The following CDH9 variants were observed in gnomAD, a reference collection of about 807,000 sequenced individuals.
CDH9 encodes cadherin-9.
CDH9 carries 28 observed loss-of-function variants against 70.9 expected under a neutral mutation model. That is an observed-to-expected ratio of 0.40 (90% CI 0.29 to 0.54). The LOEUF is 0.54. CDH9 is among the 20% of genes least tolerant of loss of function. The pLI is 0.59. For synonymous variants in CDH9, 409 were observed against 343.1 expected (o/e 1.19, Z -2.12); for missense variants, 874 against 984.4 (o/e 0.89, Z 1.50).
At chr5:26,910,181 C>A (rs1431457201) in intron 3 of CDH9, among the ~76,000 whole-genome samples, 1 of 151,864 alleles carries the variant, frequency 6.6e-6, no homozygotes, top group Non-Finnish European at 1.5e-5. Context: ...TTTAAAATCG[C>A]AAATGTAAAT....
intron 2 of CDH9, among the ~76,000 whole-genome samples, chr5:26,978,905 A>G (rs1742348845): frequency 6.6e-6 from 1 of 151,854 alleles, no homozygotes; most frequent in Admixed American, 6.6e-5. Flanking sequence ...TCCAGTTAAA[A>G]TATTTTTCAA....
chr5:27,002,347 T>C (rs943570570), intron 1 of CDH9, among the ~76,000 whole-genome samples: 1 of 152,162 alleles, frequency 6.6e-6, no homozygotes, highest in Non-Finnish European at 1.5e-5. Flanking sequence ...TCAACCATTG[T>C]GGAAGACAGT....
At chr5:26,962,892 C>A (rs565910010) in intron 2 of CDH9, among the ~76,000 whole-genome samples, 1 of 152,188 alleles carries the variant, frequency 6.6e-6, no homozygotes, top group African/African-American at 2.4e-5. Context: ...AGATGTCATT[C>A]TCTAATTAGT....
chr5:27,003,172 T>C (rs1742801350), intron 1 of CDH9, among the ~76,000 whole-genome samples: 1 of 152,114 alleles, frequency 6.6e-6, no homozygotes, highest in Admixed American at 6.6e-5. Flanking sequence ...AGCATCAGGT[T>C]GGCACTCAAA....
rs1297442818 is a variant in CDH9, at chr5:26,903,783, T to A, written c.853A>T (p.Thr285Ser). 6.2e-7 allele frequency: 1 copy of A among 1,604,350 alleles called. No homozygotes were observed. ...FNSPESVPLG[T>S]HLGRIKANDP... ...TTGGCTTTTATCCTTCCAAGATGAG[T>A]TCCAAGAGGTACAGACTCAGGAGAA... Residue 285 changes from threonine to serine, a missense_variant, in exon 6 of 12, where the codon ACT becomes TCT. By Grantham distance (58) the Thr-to-Ser change is moderately conservative. Coordinates refer to ENST00000231021, the MANE Select transcript of CDH9 (RefSeq NM_016279.4).
At chr5:26,973,036 G>A (rs1742247061) in intron 2 of CDH9, among the ~76,000 whole-genome samples, 1 of 152,012 alleles carries the variant, frequency 6.6e-6, no homozygotes, top group Non-Finnish European at 1.5e-5. Context: ...GCTAATTTTT[G>A]TATTTTTAGT....
In CDH9 at chr5:26,881,480, T is replaced by C. The variant is rs745394195; in HGVS notation, c.2026A>G (p.Thr676Ala). ...TCTCTTGCCTCTGGATTCCTTAATG[T>C]GCCAATGTCAAAAGCTTGGGTATCT... is the stretch of plus-strand genomic sequence containing the variant. Reference protein sequence around the residue: ...EEDTQAFDIGTLRNPEAREDS... With the variant: ...EEDTQAFDIGALRNPEAREDS... The change falls in exon 12 of 12, where the codon ACA becomes GCA. Residue 676 changes from threonine to alanine, a missense_variant. Coordinates refer to ENST00000231021, the MANE Select transcript of CDH9 (RefSeq NM_016279.4). The C allele has an allele frequency of 2.0e-5, 33 of 1,613,850 alleles. No homozygotes were observed. In the South Asian group the frequency reaches 3.3e-4, roughly 16 times the overall value.
rs765236056 is a variant in CDH9, at chr5:26,881,164, T to C, written c.2342A>G (p.Tyr781Cys). ...GPRFKKLADMYGGDDSDRD is the reference protein window; with the variant it reads ...GPRFKKLADMCGGDDSDRD ...GTCTCGGTCACTATCATCACCCCCA[T>C]ACATATCGGCAAGTTTTTTGAAACG... The change falls in exon 12 of 12, where the codon TAT (tyrosine) becomes TGT (cysteine). Residue 781 changes from tyrosine to cysteine, a missense_variant. By Grantham distance (194) the Tyr-to-Cys change is radical. Transcript: ENST00000231021. The C allele has an allele frequency of 3.1e-6, 5 of 1,612,300 alleles. No individual in the cohort carries two copies. The highest frequency in any genetic ancestry group is 2.7e-5 in the African/African-American group (2 of 74,848).
At chr5:26,912,127 A>T (rs1231035785) in intron 3 of CDH9, among the ~76,000 whole-genome samples, 1 of 152,074 alleles carries the variant, frequency 6.6e-6, no homozygotes, top group Non-Finnish European at 1.5e-5. Context: ...GCAGTTTTTA[A>T]CTCTTTGATT....
chr5:27,017,848 A>G (rs1227666137), intron 1 of CDH9, among the ~76,000 whole-genome samples: 1 of 152,010 alleles, frequency 6.6e-6, no homozygotes, highest in Non-Finnish European at 1.5e-5. Flanking sequence ...CTATCTGTCT[A>G]ATTCACATAT....
In CDH9 at chr5:26,936,919, A is replaced by G. The variant is rs987351067; in HGVS notation, c.229-20995T>C. Among the ~76,000 whole-genome samples, 11 of 152,090 alleles carry G rather than the reference A, an allele frequency of 7.2e-5. 2 individuals are homozygous for G. The highest frequency in any genetic ancestry group is 3.2e-3 in the Middle Eastern group (1 of 316). Reference sequence around the variant, plus strand: ...TTTAGATAATAGACTTAAAAGTAAAATGTAATGTATAAACTTTTAGGCAAT... The same window carrying G: ...TTTAGATAATAGACTTAAAAGTAAAGTGTAATGTATAAACTTTTAGGCAAT... On this transcript the variant is annotated intron_variant, in intron 2 of 11. Transcript: ENST00000231021.
At chr5:26,963,726 G>A (rs61410637) in intron 2 of CDH9, among the ~76,000 whole-genome samples, 2,675 of 151,978 alleles carry the variant, frequency 0.018, 73 homozygotes, top group African/African-American at 0.061. Flanking sequence ...TATGCCTTTG[G>A]CCTTCTTTAA....
At chr5:26,890,348 G>T in intron 8 of CDH9, 80 bp downstream of exon 8, 1 of 1,196,398 alleles carries the variant, frequency 8.4e-7, no homozygotes, top group Non-Finnish European at 1.2e-6. Flanking sequence ...TACCACTCAA[G>T]AAAATGAGTC....
rs553204290 is a variant in CDH9 at position 27,031,535 on chromosome 5, A to G, written c.-50+6928T>C. 2.0e-4 allele frequency among the ~76,000 whole-genome samples: 31 copies of G among 152,070 alleles called. No individual in the cohort carries two copies. The East Asian group carries it at 5.1e-3, about 25-fold the overall frequency. On this transcript the variant is annotated intron_variant, in intron 1 of 11. Transcript: ENST00000231021. Reference sequence around the variant, plus strand: ...CATATTTACTCTGCAATAACATTGTATTATTTCCTGAATGTGTGTTTAAAA... The same window carrying G: ...CATATTTACTCTGCAATAACATTGTGTTATTTCCTGAATGTGTGTTTAAAA...
Position 26,885,841 on chromosome 5 carries a change from C to T in CDH9, c.1655G>A (p.Arg552Gln), listed in dbSNP as rs150128137. The T allele has an allele frequency of 2.4e-5, 38 of 1,613,776 alleles. No individual in the cohort carries two copies. In the Admixed American group the frequency reaches 3.5e-4, roughly 15 times the overall value. ...NKDNTAGIMT[R>Q]KDGYSRNKMS... ...TTTGTTGCGACTGTAGCCATCTTTCCGAGTCATGATTCCTGCTGTATTATC... is the reference window on the plus strand; with the variant it reads ...TTTGTTGCGACTGTAGCCATCTTTCTGAGTCATGATTCCTGCTGTATTATC... Residue 552 changes from arginine (R) to glutamine (Q), a missense_variant, in exon 11 of 12, where the codon CGG becomes CAG. Transcript: ENST00000231021.
At chr5:27,000,219 G>T (rs555407829) in intron 1 of CDH9, among the ~76,000 whole-genome samples, 1 of 151,972 alleles carries the variant, frequency 6.6e-6, no homozygotes, top group Non-Finnish European at 1.5e-5. Context: ...GTTCTGCAAA[G>T]ATATCTAACC....
At chr5:27,021,435 T>A (rs755676153) in intron 1 of CDH9, among the ~76,000 whole-genome samples, 2 of 151,908 alleles carry the variant, frequency 1.3e-5, no homozygotes, top group Non-Finnish European at 2.9e-5. Context: ...CTTCCTAAAT[T>A]TTGAGTCTTA....
intron 2 of CDH9, among the ~76,000 whole-genome samples, chr5:26,985,046 T>C (rs2112088312): frequency 6.6e-6 from 1 of 152,242 alleles, no homozygotes; most frequent in Admixed American, 6.6e-5. Context: ...AGTTCTGTGC[T>C]CCCAACATAA....
At chr5:27,004,199 T>C (rs757893912) in intron 1 of CDH9, among the ~76,000 whole-genome samples, 8 of 150,958 alleles carry the variant, frequency 5.3e-5, no homozygotes, top group Non-Finnish European at 7.4e-5. Flanking sequence ...GACATGATGA[T>C]ATCAATGGGA....
Sources: allele counts gnomAD v4.1 joint callset (sites outside exome capture counted in the v4.1 genomes callset), GRCh38; gene constraint gnomAD v4.1.1; transcripts MANE v1.5; gene names NCBI Gene and HGNC (gene_info 2026-07-23, HGNC 2026-07-21).